Variants in LMBR1 observed in about 807,000 individuals in gnomAD.
LMBR1 encodes limb region 1 protein homolog.
In LMBR1, 52 loss-of-function variants were observed where a neutral mutation model predicts 73.9. The ratio of observed to expected loss-of-function variants is 0.70; its 90% CI spans 0.56 to 0.89. LMBR1 has a LOEUF of 0.89. LMBR1 is among the 40% of genes least tolerant of loss of function. The pLI, the probability that LMBR1 is intolerant of heterozygous loss-of-function variation, is 0.00. For synonymous variants in LMBR1, 215 were observed against 209.4 expected, an observed-to-expected ratio of 1.03 and a Z score of -0.23; for missense variants, 539 against 579.8, an observed-to-expected ratio of 0.93 and a Z score of 0.72.
intron 4 of LMBR1, among the ~76,000 whole-genome samples, chr7:156,824,528 T>C (rs891519481): frequency 5.3e-5 from 8 of 152,192 alleles, no homozygotes; most frequent in African/African-American, 1.9e-4. Flanking sequence ...CACAGCCTTC[T>C]ACAGCAACTC....
intron 1 of LMBR1, among the ~76,000 whole-genome samples, chr7:156,888,354 G>A (rs2134588667): frequency 6.7e-6 from 1 of 149,580 alleles, no homozygotes; most frequent in East Asian, 2.0e-4. Context: ...AGCTTGCAGT[G>A]AGCCGAGATT....
chr7:156,790,951 T>C (rs1414824787), intron 5 of LMBR1, among the ~76,000 whole-genome samples: 2 of 152,184 alleles, frequency 1.3e-5, no homozygotes, highest in Admixed American at 1.3e-4. Flanking sequence ...CACAGCATTA[T>C]CAGAATAGAG....
intron 1 of LMBR1, among the ~76,000 whole-genome samples, chr7:156,845,512 T>C (rs1279688051): frequency 1.3e-5 from 2 of 152,056 alleles, no homozygotes; most frequent in African/African-American, 2.4e-5. Flanking sequence ...AAATCAATAA[T>C]AGTAAACGGG....
intron 1 of LMBR1, among the ~76,000 whole-genome samples, chr7:156,880,222 TTA>T (rs1303022897): frequency 2.0e-5 from 3 of 152,206 alleles, no homozygotes; most frequent in African/African-American, 7.2e-5. Context: ...TTGGAGACTA[TTA>T]TTCTAAGTGA....
chr7:156,843,129 T>G (rs921427329), intron 1 of LMBR1, among the ~76,000 whole-genome samples: 23 of 152,196 alleles, frequency 1.5e-4, no homozygotes, highest in Admixed American at 1.5e-3. Flanking sequence ...TCTCCCAGTC[T>G]CCCTCACAAG....
intron 1 of LMBR1, among the ~76,000 whole-genome samples, chr7:156,848,863 G>T (rs1337019617): frequency 6.6e-6 from 1 of 151,088 alleles, no homozygotes. Context: ...CCTGGGAGGC[G>T]GAGGCTGCAG....
rs918085477 is a variant in LMBR1, at chr7:156,683,201, T to C, written c.*877A>G. Reference sequence around the variant, plus strand: ...TCGGCATTTATAGTTTTTATATGCATTGCAGAAGCATGGGGAATTAAGTGA... The same window carrying C: ...TCGGCATTTATAGTTTTTATATGCACTGCAGAAGCATGGGGAATTAAGTGA... On this transcript the variant is annotated 3_prime_UTR_variant, in exon 17 of 17. Transcript: ENST00000353442. 5.9e-5 allele frequency: 9 copies of C among 152,202 alleles called. No individual in the cohort carries two copies. The highest frequency in any genetic ancestry group is 1.9e-4 in the African/African-American group (8 of 41,450). 9.4% of individuals were successfully genotyped at this position (152,202 alleles called of 1,614,324 possible).
At chr7:156,744,434 A>T (rs755913761) in intron 9 of LMBR1, among the ~76,000 whole-genome samples, 4 of 151,702 alleles carry the variant, frequency 2.6e-5, no homozygotes, top group Admixed American at 1.3e-4. Context: ...CTTGCCTAGG[A>T]GTGTGTGGCC....
At position 156,763,160 on chromosome 7, in the gene LMBR1, A is replaced by G. The variant is rs1431470040; in HGVS notation, c.567T>C (p.Tyr189=). Residue 189 remains tyrosine, a synonymous_variant, in exon 7 of 17, where the codon TAT becomes TAC. Coordinates refer to ENST00000353442, the MANE Select transcript of LMBR1 (RefSeq NM_022458.4). ...ATATACAGGAATATAAATAGGGTAG[A>G]TAGAACTCCCAGAGATCTATTAAAA... ...MESLYDLWEF[Y]LPYLYSCISL... is the part of the protein sequence containing the mutation. The G allele has an allele frequency of 2.9e-6, 4 of 1,379,290 alleles. No individual in the cohort carries two copies. Among genetic ancestry groups the G allele is most frequent in the African/African-American group, 1.5e-5 (1 of 68,442 alleles). The allele number at this position is 1,379,290 out of a possible 1,614,324, so 85.4% of individuals were successfully genotyped here.
chr7:156,827,640 T>G (rs1284335735), intron 3 of LMBR1, among the ~76,000 whole-genome samples: 1 of 152,010 alleles, frequency 6.6e-6, no homozygotes, highest in Non-Finnish European at 1.5e-5. Context: ...ATATTAGAGA[T>G]AGAATGGATA....
At chr7:156,857,244 T>G (rs965877072) in intron 1 of LMBR1, among the ~76,000 whole-genome samples, 1 of 152,234 alleles carries the variant, frequency 6.6e-6, no homozygotes, top group Non-Finnish European at 1.5e-5. Flanking sequence ...AACTATATGT[T>G]GTCTATAAAA....
At chr7:156,740,313 G>A (rs1446014060) in intron 9 of LMBR1, among the ~76,000 whole-genome samples, 1 of 152,166 alleles carries the variant, frequency 6.6e-6, no homozygotes, top group Non-Finnish European at 1.5e-5. Context: ...GGCAGAGAAA[G>A]AGAGAGAGGT....
chr7:156,833,769 T>C lies in LMBR1; in HGVS notation c.163A>G (p.Ile55Val), dbSNP rs529634450. The change falls in exon 3 of 17, where the codon ATC becomes GTC. Residue 55 changes from isoleucine to valine, a missense_variant. Coordinates refer to ENST00000353442, the MANE Select transcript of LMBR1 (RefSeq NM_022458.4). ...KSDEQEDEDA[I>V]VNRISLFLST... ...AATACATACGAAATCCTGTTGACGA[T>C]GGCATCTTCATCTTCTTGTTCATCT... The C allele has an allele frequency of 1.9e-6, 3 of 1,600,892 alleles. No individual in the cohort carries two copies. Among genetic ancestry groups the C allele is most frequent in the African/African-American group, 1.3e-5 (1 of 74,592 alleles).
chr7:156,830,233 CTTT>C (rs1836437919), intron 3 of LMBR1, among the ~76,000 whole-genome samples: 1 of 152,048 alleles, frequency 6.6e-6, no homozygotes, highest in African/African-American at 2.4e-5. Context: ...AAAATAAATG[CTTT>C]TTATTTATTT....
At chr7:156,882,052 A>G (rs773934839) in intron 1 of LMBR1, among the ~76,000 whole-genome samples, 26 of 152,276 alleles carry the variant, frequency 1.7e-4, no homozygotes, top group Admixed American at 2.6e-4. Flanking sequence ...TATTCACAAT[A>G]GCAAAGATGT....
chr7:156,762,163 C>T lies in LMBR1; in HGVS notation c.655G>A (p.Val219Met), dbSNP rs1238203816. Residue 219 changes from valine to methionine, a missense_variant, in exon 8 of 17, where the codon GTG becomes ATG. This residue lies in a region of LMBR1 where 454 missense variants were observed against 473.4 expected (regional missense o/e 0.96). Transcript: ENST00000353442. Reference protein sequence around the residue: ...TPVGLSRMFTVMGQLLVKPTI... With the variant: ...TPVGLSRMFTMMGQLLVKPTI... ...GGCTTCACTAGCAACTGACCCATCA[C>T]TGTGAACATACGAGAAAGGCCAACT... 4.3e-6 allele frequency: 7 copies of T among 1,611,428 alleles called. No individual in the cohort carries two copies. Among genetic ancestry groups the T allele is most frequent in the Non-Finnish European group, 5.9e-6 (7 of 1,177,718 alleles).
intron 5 of LMBR1, among the ~76,000 whole-genome samples, chr7:156,788,377 C>T (rs927874819): frequency 2.0e-5 from 3 of 152,104 alleles, no homozygotes; most frequent in South Asian, 4.1e-4. Context: ...CTCTTCGTTA[C>T]CTTGTATTTA....
intron 3 of LMBR1, among the ~76,000 whole-genome samples, chr7:156,828,929 T>C (rs1012105668): frequency 1.3e-5 from 2 of 152,234 alleles, no homozygotes; most frequent in African/African-American, 4.8e-5. Flanking sequence ...CACACCACAG[T>C]ACCAGGCGTT....
At chr7:156,684,695 G>A (rs1274901014) in intron 16 of LMBR1, among the ~76,000 whole-genome samples, 1 of 152,182 alleles carries the variant, frequency 6.6e-6, no homozygotes, top group Non-Finnish European at 1.5e-5. Context: ...GGTGGCTCAC[G>A]CCTGTCATCC....
Sources: allele counts gnomAD v4.1 joint callset (sites outside exome capture counted in the v4.1 genomes callset), GRCh38; gene constraint gnomAD v4.1.1; regional missense constraint gnomAD v4.1.1; transcripts MANE v1.5; gene names NCBI Gene and HGNC (gene_info 2026-07-23, HGNC 2026-07-21).